Variants in TRAPPC12 observed in about 807,000 individuals in gnomAD.
TRAPPC12 encodes the protein TPR repeat protein 15.
TRAPPC12 carries 61 observed loss-of-function variants against 69.2 expected under a neutral mutation model. The ratio of observed to expected loss-of-function variants is 0.88; its 90% CI spans 0.72 to 1.09. The LOEUF (loss-of-function observed/expected upper bound fraction) is 1.09. Ranked by LOEUF, TRAPPC12 falls within the 50% of genes least tolerant of loss-of-function variation. The probability of loss-of-function intolerance (pLI) is 0.00; values close to 1 mark genes in which losing one functional copy is unlikely to be tolerated. For synonymous variants in TRAPPC12, 469 were observed against 438.9 expected, an observed-to-expected ratio of 1.07 and a Z score of -0.86; for missense variants, 1,101 against 1,016.4, an observed-to-expected ratio of 1.08 and a Z score of -1.13.
intron 5 of TRAPPC12, among the ~76,000 whole-genome samples, chr2:3,433,326 T>A (rs751094969): frequency 1.3e-5 from 2 of 152,216 alleles, no homozygotes; most frequent in Non-Finnish European, 2.9e-5. Context: ...CAGGGCAAAC[T>A]TGTAAGTTTG....
intron 5 of TRAPPC12, among the ~76,000 whole-genome samples, chr2:3,434,978 C>A (rs4971499): frequency 6.6e-6 from 1 of 152,098 alleles, no homozygotes; most frequent in Middle Eastern, 3.4e-3. Flanking sequence ...CCCTCTGTGG[C>A]AACGAGGATG....
intron 11 of TRAPPC12, 115 bp from the exon 12 acceptor site, chr2:3,479,104 G>GC: frequency 6.5e-7 from 1 of 1,538,480 alleles, no homozygotes; most frequent in Non-Finnish European, 8.8e-7. Context: ...CCTAGGCTCT[G>GC]CCCAGCAGCT....
At chr2:3,390,774 T>A (rs1347566892) in intron 2 of TRAPPC12, among the ~76,000 whole-genome samples, 1 of 152,118 alleles carries the variant, frequency 6.6e-6, no homozygotes, top group East Asian at 1.9e-4. Context: ...ATTCATCAGT[T>A]GTAATAGGTG....
intron 3 of TRAPPC12, among the ~76,000 whole-genome samples, chr2:3,407,751 A>G (rs1001873099): frequency 1.3e-5 from 2 of 152,004 alleles, no homozygotes; most frequent in African/African-American, 2.4e-5. Flanking sequence ...AGCCAAGATC[A>G]CGCCACTGCA....
intron 5 of TRAPPC12, among the ~76,000 whole-genome samples, chr2:3,442,807 C>T (rs1450077334): frequency 6.6e-6 from 1 of 152,176 alleles, no homozygotes; most frequent in Non-Finnish European, 1.5e-5. Flanking sequence ...CATTAAGTGG[C>T]TTGCAGAAGT....
chr2:3,458,659 G>A lies in TRAPPC12; in HGVS notation c.1603+966G>A, dbSNP rs112670703. On this transcript the variant is annotated intron_variant, in intron 7 of 11. Coordinates refer to ENST00000324266, the MANE Select transcript of TRAPPC12 (RefSeq NM_016030.6). ...GAGTAACAAGGTCTGAAGGAGAGAC[G>A]GCACTGTCTGCTCATGGATGTCCCA... 2.7e-4 allele frequency among the ~76,000 whole-genome samples: 41 copies of A among 152,264 alleles called. No individual in the cohort carries two copies. In the East Asian group the frequency reaches 5.6e-3, roughly 21 times the overall value.
chr2:3,455,188 CCTCTA>C (rs35454429), intron 6 of TRAPPC12: 24,423 of 151,934 alleles, frequency 0.16, 2,064 homozygotes, highest in South Asian at 0.2. Flanking sequence ...TCCTGTGCTC[CCTCTA>C]CACTAGCCTA....
At chr2:3,417,748 A>T (rs890814408) in intron 3 of TRAPPC12, among the ~76,000 whole-genome samples, 2 of 152,174 alleles carry the variant, frequency 1.3e-5, no homozygotes, top group Non-Finnish European at 2.9e-5. Context: ...TCTCATTTTT[A>T]AAAATGGTCA....
intron 2 of TRAPPC12, among the ~76,000 whole-genome samples, chr2:3,391,932 C>G (rs1660848033): frequency 6.6e-6 from 1 of 152,126 alleles, no homozygotes; most frequent in Admixed American, 6.6e-5. Context: ...GCTTGCCTTG[C>G]CGTTTGCTTC....
At chr2:3,395,485 G>A (rs1490010273) in intron 2 of TRAPPC12, among the ~76,000 whole-genome samples, 2 of 151,186 alleles carry the variant, frequency 1.3e-5, no homozygotes, top group African/African-American at 4.9e-5. Context: ...CTTTTGAAGG[G>A]CAGAAATTTT....
At chr2:3,380,695 G>T (rs1481223985) in intron 1 of TRAPPC12, among the ~76,000 whole-genome samples, 1 of 152,188 alleles carries the variant, frequency 6.6e-6, no homozygotes, top group African/African-American at 2.4e-5. Flanking sequence ...ATATTACACA[G>T]TGTTACTCAT....
intron 3 of TRAPPC12, among the ~76,000 whole-genome samples, chr2:3,403,210 C>G (rs867065969): frequency 6.6e-6 from 1 of 150,462 alleles, no homozygotes; most frequent in African/African-American, 2.5e-5. Flanking sequence ...TTCTTCTGCA[C>G]CGGGCTTCAG....
intron 1 of TRAPPC12, among the ~76,000 whole-genome samples, chr2:3,385,128 A>C (rs1170837396): frequency 1.3e-5 from 2 of 152,184 alleles, no homozygotes; most frequent in Non-Finnish European, 1.5e-5. Flanking sequence ...ATGTCTTCCC[A>C]TTCATAAAAG....
rs199861853 is a variant in TRAPPC12, at chr2:3,457,708, C to G, written c.1603+15C>G. Reference sequence around the variant, plus strand: ...GGGCAGACAAGGTGGGTCGGCCGGACTTTGCTGACTAGATGCTTCTCGGAC... The same window carrying G: ...GGGCAGACAAGGTGGGTCGGCCGGAGTTTGCTGACTAGATGCTTCTCGGAC... On this transcript the variant is annotated intron_variant, in intron 7 of 11. Coordinates refer to ENST00000324266, the MANE Select transcript of TRAPPC12 (RefSeq NM_016030.6). The G allele has an allele frequency of 1.3e-4, 211 of 1,608,184 alleles. No homozygotes were observed. The African/African-American group carries it at 2.7e-3, about 20-fold the overall frequency.
intron 2 of TRAPPC12, 92 bp downstream of exon 2, chr2:3,388,762 G>T (rs1660656434): frequency 7.8e-7 from 1 of 1,277,412 alleles, no homozygotes; most frequent in Non-Finnish European, 1.0e-6. Flanking sequence ...AGAAGGAGAA[G>T]GCCTTGTTTT....
intron 8 of TRAPPC12, chr2:3,462,897 CATG>C (rs1451933667): frequency 4.2e-6 from 2 of 470,924 alleles, no homozygotes; most frequent in Non-Finnish European, 8.8e-6. Flanking sequence ...TGGCTCCGCA[CATG>C]ATGGAAAGGA....
intron 5 of TRAPPC12, among the ~76,000 whole-genome samples, chr2:3,436,466 A>G (rs1663782963): frequency 2.6e-5 from 4 of 152,108 alleles, no homozygotes; most frequent in Admixed American, 2.6e-4. Context: ...AGAGTTCTAT[A>G]TACCCTCTTT....
At position 3,388,673 on chromosome 2, in the gene TRAPPC12, GAGCCCGGGTCTCCCACCTCCGC is replaced by G. The variant is rs368868372; in HGVS notation, c.1047+10_1047+31del. On this transcript the variant is annotated splice_donor_5th_base_variant and intron_variant, in intron 2 of 11. Coordinates refer to ENST00000324266, the MANE Select transcript of TRAPPC12 (RefSeq NM_016030.6). ...GCCTCAGGTTCGACAACATCCAGGT[GAGCCCGGGTCTCCCACCTCCGC>G]AGCCCGTGCCTCCTCTCTGCGTCTG... The G allele has an allele frequency of 2.6e-6, 4 of 1,539,946 alleles. No homozygotes were observed. The African/African-American group carries it at 4.1e-5, about 16-fold the overall frequency.
intron 3 of TRAPPC12, among the ~76,000 whole-genome samples, chr2:3,413,779 C>T (rs1321524590): frequency 6.6e-6 from 1 of 152,144 alleles, no homozygotes; most frequent in Non-Finnish European, 1.5e-5. Flanking sequence ...TTAGCTAACT[C>T]TGTTGAAGCA....
Sources: allele counts gnomAD v4.1 joint callset (sites outside exome capture counted in the v4.1 genomes callset), GRCh38; gene constraint gnomAD v4.1.1; transcripts MANE v1.5; gene names NCBI Gene and HGNC (gene_info 2026-07-23, HGNC 2026-07-21).